NR2C1: variants seen among roughly 807,000 people sequenced by gnomAD.
NR2C1 encodes the protein nuclear receptor subfamily 2 group C member 1.
A neutral mutation model predicts 74.8 loss-of-function variants in NR2C1; 33 were observed. The observed-to-expected ratio is 0.44, with a 90% CI of 0.33 to 0.59. NR2C1 has a LOEUF of 0.59. Among genes scored for constraint, NR2C1 ranks in the 20% least tolerant of loss-of-function variants. The pLI is 0.02. For synonymous variants in NR2C1, 225 were observed against 240.6 expected, an observed-to-expected ratio of 0.94 and a Z score of 0.60; for missense variants, 568 against 715.6, an observed-to-expected ratio of 0.79 and a Z score of 2.35.
Position 95,057,826 on chromosome 12 carries a change from G to C in NR2C1, c.597C>G (p.Asn199Lys). ...AGATTTTTTCTGTTGAAGCGGCACA[G>C]TTGGAAGATTTTTCTCGTGATACTT... The part of the protein sequence containing the change: ...PIEVSREKSS[N>K]CAASTEKIYI... The change falls in exon 6 of 14, where the codon AAC becomes AAG. Residue 199 changes from asparagine (N) to lysine (K), a missense_variant. This residue lies in a region of NR2C1 where 239 missense variants were observed against 232.3 expected (regional missense o/e 1.03). Transcript: ENST00000333003. 1 of 1,613,998 alleles carries C rather than the reference G, an allele frequency of 6.2e-7. No homozygotes were observed. Among genetic ancestry groups the C allele is most frequent in the East Asian group, 2.2e-5 (1 of 44,874 alleles).
intron 7 of NR2C1, 142 bp from the exon 8 acceptor site, chr12:95,052,085 A>G (rs941879041): frequency 3.9e-6 from 2 of 511,630 alleles, no homozygotes; most frequent in African/African-American, 2.0e-5. Flanking sequence ...CTGAGCTTTC[A>G]GAAATTTACT....
chr12:95,067,430 A>G (rs375434385), intron 1 of NR2C1, 39 bp from the exon 2 acceptor site: 118 of 1,334,428 alleles, frequency 8.8e-5, no homozygotes, highest in Non-Finnish European at 1.2e-4. Flanking sequence ...TTAAACTCAC[A>G]AAACACTCTT....
intron 2 of NR2C1, among the ~76,000 whole-genome samples, chr12:95,066,434 A>C (rs766546115): frequency 8.5e-5 from 13 of 152,204 alleles, no homozygotes; most frequent in Non-Finnish European, 1.2e-4. Context: ...ATACATATAC[A>C]TACATACATA....
chr12:95,027,581 C>T (rs1210405966), intron 12 of NR2C1, among the ~76,000 whole-genome samples: 1 of 151,970 alleles, frequency 6.6e-6, no homozygotes, highest in African/African-American at 2.4e-5. Context: ...ACTAAAAATA[C>T]AAAAATGAAC....
At chr12:95,070,546 CA>C (rs1343553018) in intron 1 of NR2C1, among the ~76,000 whole-genome samples, 1 of 152,146 alleles carries the variant, frequency 6.6e-6, no homozygotes, top group African/African-American at 2.4e-5. Flanking sequence ...TTGACTGGCT[CA>C]AAAATTTATT....
intron 1 of NR2C1, among the ~76,000 whole-genome samples, chr12:95,067,878 C>CTTTTT (rs35730526): frequency 1.8e-5 from 2 of 110,026 alleles, no homozygotes; most frequent in African/African-American, 3.2e-5. Context: ...CTCCATGTAT[C>CTTTTT]TTTTTTTTTT....
In NR2C1 at chr12:95,057,640, T is replaced by C; in HGVS notation, c.696A>G (p.Ser232=). 6.2e-7 allele frequency: 1 copy of C among 1,613,476 alleles called. No individual in the cohort carries two copies. Among genetic ancestry groups the C allele is most frequent in the East Asian group, 2.2e-5 (1 of 44,878 alleles). The change falls in exon 7 of 14, where the codon TCA becomes TCG. Residue 232 remains serine (S), a synonymous_variant. Transcript: ENST00000333003. ...TFVTDSESTR[S]TGLLDSGMFM... is the part of the protein sequence containing the mutation. The stretch of plus-strand genomic sequence containing the variant: ...ACATTCCTGAATCTAACAGTCCTGT[T>C]GACCTGTAACAAATCAGCACAAATT...
At chr12:95,029,228 A>C (rs1414024821) in intron 11 of NR2C1, among the ~76,000 whole-genome samples, 2 of 151,510 alleles carry the variant, frequency 1.3e-5, no homozygotes, top group African/African-American at 4.8e-5. Context: ...ACTACAGGTA[A>C]GCGCCACCAT....
At chr12:95,072,978 C>A (rs566067544) in intron 1 of NR2C1, 2 of 152,284 alleles carry the variant, frequency 1.3e-5, no homozygotes, top group Non-Finnish European at 2.9e-5. Context: ...CGGCGTTAGC[C>A]GTGCGCCCTG....
At chr12:95,028,620 T>G in intron 11 of NR2C1, 96 bp from the exon 12 acceptor site, 1 of 931,876 alleles carries the variant, frequency 1.1e-6, no homozygotes, top group Non-Finnish European at 1.6e-6. Flanking sequence ...TTGAAAAATT[T>G]TTTAATTCTT....
chr12:95,066,149 T>C (rs114225867), intron 2 of NR2C1, among the ~76,000 whole-genome samples: 2,042 of 152,318 alleles, frequency 0.013, 41 homozygotes, highest in African/African-American at 0.046. Context: ...ATATCTAGTT[T>C]AACAGAAGTT....
intron 10 of NR2C1, among the ~76,000 whole-genome samples, chr12:95,036,511 A>AC (rs1238059226): frequency 5.4e-5 from 8 of 148,440 alleles, no homozygotes; most frequent in Non-Finnish European, 9.0e-5. Context: ...TTGTGGGTTT[A>AC]CTTTTTTTTT....
chr12:95,051,085 G>A (rs1438430818), intron 8 of NR2C1, among the ~76,000 whole-genome samples: 2 of 152,056 alleles, frequency 1.3e-5, no homozygotes, highest in African/African-American at 4.8e-5. Context: ...ATGAATGCAG[G>A]TTTTCAGTGA....
In NR2C1 at chr12:95,021,802, A is replaced by G. The variant is rs942888110; in HGVS notation, c.*427T>C. ...AATTAAACAAAAATTATTATGGCAG[A>G]GTAAAATGCAAGGAACTAACTCCTT... On this transcript the variant is annotated 3_prime_UTR_variant, in exon 14 of 14. Transcript: ENST00000333003. The G allele has an allele frequency of 6.5e-6, 1 of 152,710 alleles. No individual in the cohort carries two copies. 9.5% of individuals were successfully genotyped at this position (152,710 alleles called of 1,614,324 possible).
intron 2 of NR2C1, among the ~76,000 whole-genome samples, chr12:95,065,277 G>A (rs1875496538): frequency 6.6e-6 from 1 of 152,066 alleles, no homozygotes; most frequent in African/African-American, 2.4e-5. Context: ...CTGCCTCCCA[G>A]GTTCAAGCGA....
intron 7 of NR2C1, among the ~76,000 whole-genome samples, 187 bp from the exon 8 acceptor site, chr12:95,052,130 T>C (rs1232760234): frequency 6.6e-6 from 1 of 152,104 alleles, no homozygotes; most frequent in Non-Finnish European, 1.5e-5. Context: ...TCAAGTGTAT[T>C]TCTTAAGAAA....
chr12:95,044,307 G>A (rs1228566728), intron 9 of NR2C1, among the ~76,000 whole-genome samples: 2 of 150,336 alleles, frequency 1.3e-5, no homozygotes, highest in East Asian at 3.9e-4. Context: ...TTGCTCTGTC[G>A]CCCAGGCTGC....
intron 12 of NR2C1, chr12:95,028,071 G>A (rs952459431): frequency 1.0e-5 from 2 of 192,820 alleles, no homozygotes; most frequent in Non-Finnish European, 2.1e-5. Context: ...TCCATCATAT[G>A]TATATATTAA....
chr12:95,045,614 T>G (rs1872214149), intron 9 of NR2C1, among the ~76,000 whole-genome samples: 1 of 152,108 alleles, frequency 6.6e-6, no homozygotes, highest in African/African-American at 2.4e-5. Context: ...CCTCTAAAGT[T>G]GCAAACATGG....
Sources: gnomAD v4.1 joint callset for allele counts (sites outside exome capture counted in the v4.1 genomes callset) on GRCh38, gnomAD v4.1.1 for gene constraint, gnomAD v4.1.1 regional missense constraint, MANE v1.5 for transcripts, NCBI Gene and HGNC (gene_info 2026-07-23, HGNC 2026-07-21) for gene names.